ZBTB20: variants seen among roughly 807,000 people sequenced by gnomAD.
The protein encoded by ZBTB20 is zinc finger and BTB domain-containing protein 20.
In ZBTB20, 9 loss-of-function variants were observed where a neutral mutation model predicts 56.9. The ratio of observed to expected loss-of-function variants is 0.16; its 90% CI spans 0.10 to 0.28. ZBTB20 has a LOEUF of 0.28. Among genes scored for constraint, ZBTB20 ranks in the 10% least tolerant of loss-of-function variants. ZBTB20 has a pLI of 1.00. For missense variants in ZBTB20, 655 were observed against 1,003.0 expected, an observed-to-expected ratio of 0.65 and a Z score of 4.69; for synonymous variants, 417 against 420.7, an observed-to-expected ratio of 0.99 and a Z score of 0.11.
chr3:114,535,453 T>C (rs1207435953), intron 6 of ZBTB20, among the ~76,000 whole-genome samples: 1 of 152,092 alleles, frequency 6.6e-6, no homozygotes, highest in Admixed American at 6.5e-5. Flanking sequence ...AGAAGTCAAA[T>C]CCCTGAATAG....
intron 5 of ZBTB20, among the ~76,000 whole-genome samples, chr3:114,696,577 A>T (rs1022233277): frequency 1.1e-4 from 16 of 152,098 alleles, no homozygotes. Flanking sequence ...CTAAAAAGGA[A>T]GACCAAAACA....
At chr3:114,567,631 T>C (rs995380661) in intron 6 of ZBTB20, among the ~76,000 whole-genome samples, 1 of 152,174 alleles carries the variant, frequency 6.6e-6, no homozygotes, top group Non-Finnish European at 1.5e-5. Context: ...GCCTTTCATT[T>C]ATTCCTTCAG....
At chr3:114,428,207 C>T (rs1049649574) in intron 7 of ZBTB20, among the ~76,000 whole-genome samples, 3 of 152,108 alleles carry the variant, frequency 2.0e-5, no homozygotes, top group Non-Finnish European at 2.9e-5. Context: ...CTCACTTTTA[C>T]GAACCAAATC....
chr3:114,943,462 CT>C (rs1482840681), intron 3 of ZBTB20, among the ~76,000 whole-genome samples: 21 of 145,188 alleles, frequency 1.4e-4, no homozygotes, highest in Middle Eastern at 3.2e-3. Context: ...CAGATATAGT[CT>C]TTTAAAAACA....
At chr3:114,389,983 T>C (rs1201754421) in intron 7 of ZBTB20, among the ~76,000 whole-genome samples, 1 of 151,728 alleles carries the variant, frequency 6.6e-6, no homozygotes, top group Non-Finnish European at 1.5e-5. Flanking sequence ...TTTCAATATA[T>C]ACTACATTCT....
chr3:115,102,555 G>T (rs546094766), intron 1 of ZBTB20: 1 of 151,866 alleles, frequency 6.6e-6, no homozygotes, highest in African/African-American at 2.4e-5. Context: ...TTTTATTCAA[G>T]GAGAAGACGT....
chr3:115,006,066 A>G (rs1041960319), intron 2 of ZBTB20, among the ~76,000 whole-genome samples: 7 of 149,286 alleles, frequency 4.7e-5, no homozygotes, highest in East Asian at 2.0e-4. Context: ...CTTTTCTTCT[A>G]TGGAGGCTTC....
intron 1 of ZBTB20, among the ~76,000 whole-genome samples, chr3:115,139,053 A>T (rs190436650): frequency 6.6e-6 from 1 of 152,180 alleles, no homozygotes; most frequent in East Asian, 1.9e-4. Flanking sequence ...ATCTAAAATT[A>T]TTCTTACAAT....
intron 4 of ZBTB20, among the ~76,000 whole-genome samples, chr3:114,831,169 A>T (rs2108958407): frequency 1.6e-5 from 2 of 127,966 alleles, no homozygotes; most frequent in Middle Eastern, 0.01. Flanking sequence ...CGCTATTTAC[A>T]TATATTTTAT....
intron 5 of ZBTB20, among the ~76,000 whole-genome samples, chr3:114,763,587 T>A (rs943538614): frequency 6.6e-6 from 1 of 152,150 alleles, no homozygotes; most frequent in African/African-American, 2.4e-5. Flanking sequence ...AAATAGCATA[T>A]ATAGTACCTC....
At chr3:114,611,504 G>A (rs1167758115) in intron 6 of ZBTB20, among the ~76,000 whole-genome samples, 2 of 152,144 alleles carry the variant, frequency 1.3e-5, no homozygotes, top group East Asian at 3.9e-4. Context: ...GAGCCTGAGG[G>A]CTCACTTCCC....
At chr3:114,935,635 C>T (rs1477452547) in intron 3 of ZBTB20, among the ~76,000 whole-genome samples, 8 of 152,176 alleles carry the variant, frequency 5.3e-5, no homozygotes, top group East Asian at 1.9e-4. Flanking sequence ...TCTGCTTTCT[C>T]GGCCTGTGGA....
intron 2 of ZBTB20, among the ~76,000 whole-genome samples, chr3:115,035,367 A>G (rs557518800): frequency 2.4e-4 from 37 of 152,218 alleles, no homozygotes; most frequent in African/African-American, 8.7e-4. Flanking sequence ...TAAAAACACA[A>G]CAACAAAAAT....
At chr3:114,765,012 T>A (rs2068687033) in intron 5 of ZBTB20, among the ~76,000 whole-genome samples, 1 of 152,098 alleles carries the variant, frequency 6.6e-6, no homozygotes, top group Admixed American at 6.6e-5. Context: ...GAAAACACTT[T>A]CGGAAGAAAG....
rs146978735 is a variant in ZBTB20, at chr3:114,763,384, A to T, written c.-343+37717T>A. Among the ~76,000 whole-genome samples, 12 of 152,308 alleles carry T rather than the reference A, an allele frequency of 7.9e-5. No homozygotes were observed. In the East Asian group the frequency reaches 2.3e-3, roughly 29 times the overall value. On this transcript the variant is annotated intron_variant, in intron 5 of 11. Transcript: ENST00000675478. Reference sequence around the variant, plus strand: ...GTGACCTTGCTATGAGATTTGCTACAAGTAATTTAATGCTTTTCTATGTCT... The same window carrying T: ...GTGACCTTGCTATGAGATTTGCTACTAGTAATTTAATGCTTTTCTATGTCT...
At chr3:114,997,206 G>A (rs896832330) in intron 2 of ZBTB20, among the ~76,000 whole-genome samples, 2 of 151,736 alleles carry the variant, frequency 1.3e-5, no homozygotes, top group Non-Finnish European at 2.9e-5. Context: ...AGTATTATGT[G>A]GAGAGATAAT....
intron 6 of ZBTB20, among the ~76,000 whole-genome samples, chr3:114,501,010 A>C (rs1025059791): frequency 1.3e-5 from 2 of 152,174 alleles, no homozygotes; most frequent in African/African-American, 2.4e-5. Context: ...GTCTCTTTTA[A>C]GGTATATTTA....
At chr3:114,860,571 A>G (rs2075478987) in intron 4 of ZBTB20, among the ~76,000 whole-genome samples, 1 of 152,224 alleles carries the variant, frequency 6.6e-6, no homozygotes, top group Non-Finnish European at 1.5e-5. Context: ...CTCATACTCA[A>G]TGCATCTTAC....
chr3:115,092,115 A>G (rs886188594), intron 1 of ZBTB20, among the ~76,000 whole-genome samples: 4 of 152,156 alleles, frequency 2.6e-5, no homozygotes, highest in African/African-American at 9.7e-5. Flanking sequence ...GGAGAAAAGT[A>G]GTAAAGTGCA....
Sources: allele counts gnomAD v4.1 joint callset (sites outside exome capture counted in the v4.1 genomes callset), GRCh38; gene constraint gnomAD v4.1.1; transcripts MANE v1.5; gene names NCBI Gene and HGNC (gene_info 2026-07-23, HGNC 2026-07-21).